The following KLC1 variants were observed in gnomAD, a reference collection of about 807,000 sequenced individuals.
The protein encoded by KLC1 is kinesin light chain 1.
Under a neutral mutation model 84.2 loss-of-function variants are expected in KLC1, and 30 were observed. The ratio of observed to expected loss-of-function variants is 0.36; its 90% CI spans 0.27 to 0.48. The LOEUF (loss-of-function observed/expected upper bound fraction) is 0.48. Ranked by LOEUF, KLC1 falls within the 20% of genes least tolerant of loss-of-function variation. KLC1 has a pLI of 0.99. For synonymous variants in KLC1, 289 were observed against 293.3 expected, an observed-to-expected ratio of 0.99 and a Z score of 0.15; for missense variants, 499 against 805.4, an observed-to-expected ratio of 0.62 and a Z score of 4.60.
At chr14:103,690,384 T>C (rs531898243) in intron 14 of KLC1, among the ~76,000 whole-genome samples, 9 of 152,128 alleles carry the variant, frequency 5.9e-5, no homozygotes, top group African/African-American at 2.2e-4. Context: ...ATTTTGGGGG[T>C]GAGTTTTGCC....
chr14:103,693,586 C>G lies in KLC1; in HGVS notation c.1848+1161C>G. ...TAATTGTCTGGCCGACTCGCGAGCT[C>G]TGAGTGCCAGCCACACTGACCTGGC... On this transcript the variant is annotated intron_variant, in intron 15 of 16. Coordinates refer to ENST00000334553, the MANE Select transcript of KLC1 (RefSeq NM_001394837.1). The surrounding 1 kb of genome is among the most constrained non-coding windows in gnomAD (Gnocchi z 5.1). 1 of 1,536,142 alleles carries G rather than the reference C, an allele frequency of 6.5e-7. No individual in the cohort carries two copies. The highest frequency in any genetic ancestry group is 8.7e-7 in the Non-Finnish European group (1 of 1,146,916).
intron 15 of KLC1, 144 bp downstream of exon 15, chr14:103,692,569 G>T: frequency 3.3e-6 from 2 of 606,222 alleles, no homozygotes; most frequent in Non-Finnish European, 5.8e-6. Flanking sequence ...ACAGACAGTT[G>T]TGACAGTAGT....
At chr14:103,697,234 TCTTAA>T in intron 15 of KLC1, 2 of 533,810 alleles carry the variant, frequency 3.7e-6, no homozygotes, top group Non-Finnish European at 4.8e-6. Context: ...TGCCAGTGAT[TCTTAA>T]CTTTAGGGTC....
intron 5 of KLC1, among the ~76,000 whole-genome samples, chr14:103,664,113 T>G (rs2079541223): frequency 1.3e-5 from 2 of 152,156 alleles, no homozygotes; most frequent in Admixed American, 6.5e-5. Context: ...ATTTTTTGAC[T>G]GTTTTCCTGT....
chr14:103,673,007 T>C lies in KLC1; in HGVS notation c.988-7T>C, dbSNP rs1458869643. ...AGTGTCTCTAATATGCTGTTTTTTA[T>C]TTTCAGGTTTTGGGGAAGGATCACC... On this transcript the variant is annotated splice_polypyrimidine_tract_variant and splice_region_variant and intron_variant, in intron 7 of 16. Transcript: ENST00000334553. 1 of 1,613,862 alleles carries C rather than the reference T, an allele frequency of 6.2e-7. No individual in the cohort carries two copies. The highest frequency in any genetic ancestry group is 1.1e-5 in the South Asian group (1 of 91,044).
chr14:103,686,003 A>C, intron 13 of KLC1: 1 of 1,092,402 alleles, frequency 9.2e-7, no homozygotes, highest in Non-Finnish European at 1.1e-6. Flanking sequence ...CTGTTGACGT[A>C]ACTAAGCCTT....
chr14:103,636,382 G>A (rs2077046920), intron 1 of KLC1, among the ~76,000 whole-genome samples: 1 of 151,922 alleles, frequency 6.6e-6, no homozygotes, highest in Non-Finnish European at 1.5e-5. Context: ...CCACCATGCC[G>A]GGCTAATTTT....
chr14:103,695,254 A>G, intron 15 of KLC1: 1 of 683,506 alleles, frequency 1.5e-6, no homozygotes, highest in Non-Finnish European at 1.8e-6. Flanking sequence ...ACTTGAGCCC[A>G]GTTCAAGAAC....
At chr14:103,640,035 G>T (rs1183888871) in intron 1 of KLC1, among the ~76,000 whole-genome samples, 2 of 151,842 alleles carry the variant, frequency 1.3e-5, no homozygotes, top group African/African-American at 4.8e-5. Flanking sequence ...GATTACAGGC[G>T]TGAGCCACTG....
chr14:103,685,547 G>C (rs2081715689), intron 13 of KLC1: 53 of 1,288,626 alleles, frequency 4.1e-5, no homozygotes, highest in Non-Finnish European at 5.2e-5. Context: ...TTGTGACCTA[G>C]AAATACTGTA....
chr14:103,637,018 C>T (rs1475539382), intron 1 of KLC1, among the ~76,000 whole-genome samples: 2 of 151,064 alleles, frequency 1.3e-5, no homozygotes, highest in Non-Finnish European at 2.9e-5. Flanking sequence ...GCGTGAGCCA[C>T]CACGCCCAGC....
At chr14:103,634,223 A>G (rs8008451) in intron 1 of KLC1, among the ~76,000 whole-genome samples, 92,015 of 151,982 alleles carry the variant, frequency 0.61, 28,955 homozygotes, top group Non-Finnish European at 0.71. Context: ...TCCACTTAAC[A>G]TTCATAACCT....
chr14:103,654,499 A>G, intron 1 of KLC1, 65 bp from the exon 2 acceptor site: 2 of 1,352,234 alleles, frequency 1.5e-6, no homozygotes, highest in Non-Finnish European at 2.0e-6. Context: ...TTTCATATTT[A>G]CTTGATGTAA....
At chr14:103,682,923 A>G (rs997555376) in intron 13 of KLC1, 6 of 152,038 alleles carry the variant, frequency 3.9e-5, no homozygotes, top group African/African-American at 1.4e-4. Flanking sequence ...GCTTTTTAAA[A>G]GGTTGAAAAC....
chr14:103,635,592 T>C (rs2076985665), intron 1 of KLC1, among the ~76,000 whole-genome samples: 4 of 152,132 alleles, frequency 2.6e-5, no homozygotes, highest in Non-Finnish European at 4.4e-5. Flanking sequence ...TTGTCTCTAC[T>C]AAAAATATAA....
At chr14:103,696,046 G>T (rs2082453318) in intron 15 of KLC1, 3 of 984,882 alleles carry the variant, frequency 3.0e-6, no homozygotes, top group Non-Finnish European at 3.6e-6. Context: ...CCCCACGCGA[G>T]AGTCAGCACC....
intron 3 of KLC1, among the ~76,000 whole-genome samples, chr14:103,661,684 C>G (rs985609076): frequency 6.6e-6 from 1 of 152,166 alleles, no homozygotes; most frequent in African/African-American, 2.4e-5. Flanking sequence ...CCCAGGGATC[C>G]TGCCCCAGAG....
intron 7 of KLC1, among the ~76,000 whole-genome samples, chr14:103,672,607 A>C (rs1296482292): frequency 6.6e-6 from 1 of 152,174 alleles, no homozygotes; most frequent in Non-Finnish European, 1.5e-5. Context: ...GGCTAGGAGA[A>C]GAGCATCCTG....
Position 103,640,992 on chromosome 14 carries a change from A to G in KLC1, c.-2+11498A>G, listed in dbSNP as rs374965305. ...ACCCAGGCTGGAGTGCAGTGGCTCCATGGCTCACTGCAACCTCTGCCTTCT... is the reference window on the plus strand; with the variant it reads ...ACCCAGGCTGGAGTGCAGTGGCTCCGTGGCTCACTGCAACCTCTGCCTTCT... On this transcript the variant is annotated intron_variant, in intron 1 of 16. Coordinates refer to ENST00000334553, the MANE Select transcript of KLC1 (RefSeq NM_001394837.1). 4.5e-3 allele frequency among the ~76,000 whole-genome samples: 676 copies of G among 151,754 alleles called. 2 individuals are homozygous for G. Among genetic ancestry groups the G allele is most frequent in the Non-Finnish European group, 7.2e-3 (489 of 67,914 alleles).
Sources: allele counts gnomAD v4.1 joint callset (sites outside exome capture counted in the v4.1 genomes callset), GRCh38; gene constraint gnomAD v4.1.1; non-coding constraint Gnocchi (gnomAD v3.1); transcripts MANE v1.5; gene names NCBI Gene and HGNC (gene_info 2026-07-23, HGNC 2026-07-21).